VWC2L: variants seen among roughly 807,000 people sequenced by gnomAD.
The protein encoded by VWC2L is von Willebrand factor C domain-containing protein 2-like.
In VWC2L, 10 loss-of-function variants were observed where a neutral mutation model predicts 21.6. The observed-to-expected ratio is 0.46, with a 90% CI of 0.29 to 0.78. VWC2L has a LOEUF of 0.78. VWC2L is among the 30% of genes least tolerant of loss of function. VWC2L has a pLI of 0.10. For missense variants in VWC2L, 209 were observed against 277.1 expected (o/e 0.75, Z 1.74); for synonymous variants, 96 against 94.3 (o/e 1.02, Z -0.10).
chr2:214,435,752 CT>C (rs1308765313), intron 2 of VWC2L, among the ~76,000 whole-genome samples: 2 of 152,090 alleles, frequency 1.3e-5, no homozygotes, highest in Non-Finnish European at 2.9e-5. Context: ...GAATTTTAAA[CT>C]GCTGTTCCAT....
At chr2:214,456,599 A>G (rs543768938) in intron 3 of VWC2L, among the ~76,000 whole-genome samples, 3 of 152,054 alleles carry the variant, frequency 2.0e-5, no homozygotes, top group Non-Finnish European at 2.9e-5. Flanking sequence ...CCATGTGTCT[A>G]TTTTTATTTT....
intron 3 of VWC2L, among the ~76,000 whole-genome samples, chr2:214,477,797 G>A (rs896892078): frequency 6.6e-6 from 1 of 152,192 alleles, no homozygotes; most frequent in Admixed American, 6.5e-5. Flanking sequence ...TTCACTCATT[G>A]TTAGATAATG....
intron 3 of VWC2L, among the ~76,000 whole-genome samples, chr2:214,482,648 A>AAT (rs199718570): frequency 5.2e-4 from 77 of 147,648 alleles, no homozygotes; most frequent in East Asian, 9.8e-4. Flanking sequence ...TTAATAAATA[A>AAT]ATATATATAT....
Position 214,575,891 on chromosome 2 carries a change from C to T in VWC2L, c.*71C>T. 6.7e-7 allele frequency: 1 copy of T among 1,487,496 alleles called. No individual in the cohort carries two copies. The highest frequency in any genetic ancestry group is 9.1e-7 in the Non-Finnish European group (1 of 1,103,740). The allele number at this position is 1,487,496 out of a possible 1,614,324, so 92.1% of individuals were successfully genotyped here. On this transcript the variant is annotated 3_prime_UTR_variant, in exon 4 of 4. Coordinates refer to ENST00000312504, the MANE Select transcript of VWC2L (RefSeq NM_001080500.4). The stretch of plus-strand genomic sequence containing the variant: ...GCTTCAACACTGCACATGTTTAACA[C>T]AAAACAAAACAAACAAACTCCTGCC...
In VWC2L at chr2:214,487,150, C is replaced by T. The variant is rs77692182; in HGVS notation, c.520+50392C>T. ...GGAGACCTCAAAAGAATCCAGATTGCTGACACCTTGTTCTCAGACTTGTAG... is the reference window on the plus strand; with the variant it reads ...GGAGACCTCAAAAGAATCCAGATTGTTGACACCTTGTTCTCAGACTTGTAG... On this transcript the variant is annotated intron_variant, in intron 3 of 3. Coordinates refer to ENST00000312504, the MANE Select transcript of VWC2L (RefSeq NM_001080500.4). Among the ~76,000 whole-genome samples the T allele has an allele frequency of 8.1e-3, 1,229 of 152,034 alleles. 19 individuals carry two copies. The highest frequency in any genetic ancestry group is 0.028 in the African/African-American group (1,163 of 41,294).
chr2:214,555,654 G>A (rs1327786814), intron 3 of VWC2L, among the ~76,000 whole-genome samples: 3 of 152,130 alleles, frequency 2.0e-5, no homozygotes, highest in Admixed American at 6.5e-5. Flanking sequence ...TCTCCTGATC[G>A]CTGTTGTCTC....
At chr2:214,466,252 G>A (rs2126190761) in intron 3 of VWC2L, among the ~76,000 whole-genome samples, 1 of 152,220 alleles carries the variant, frequency 6.6e-6, no homozygotes, top group Admixed American at 6.5e-5. Context: ...ACTTTCACTA[G>A]TGTAAAATTC....
chr2:214,518,010 C>CA (rs372296676), intron 3 of VWC2L, among the ~76,000 whole-genome samples: 1 of 152,082 alleles, frequency 6.6e-6, no homozygotes, highest in East Asian at 1.9e-4. Context: ...ACTAAAAATA[C>CA]AAAAAATTAG....
chr2:214,414,287 G>C lies in VWC2L; in HGVS notation c.94G>C (p.Asp32His), dbSNP rs748356169. 2 of 1,613,754 alleles carry C rather than the reference G, an allele frequency of 1.2e-6. No individual in the cohort carries two copies. The highest frequency in any genetic ancestry group is 1.7e-6 in the Non-Finnish European group (2 of 1,179,838). Reference protein sequence around the residue: ...AAISHEDYPADEGDQISSNDN... With the variant: ...AAISHEDYPAHEGDQISSNDN... ...TATCAGTCATGAAGACTATCCTGCT[G>C]ATGAAGGTGACCAGATCTCCAGTAA... Residue 32 changes from aspartate to histidine, a missense_variant, in exon 2 of 4, where the codon GAT becomes CAT. Coordinates refer to ENST00000312504, the MANE Select transcript of VWC2L (RefSeq NM_001080500.4).
chr2:214,441,542 G>A lies in VWC2L; in HGVS notation c.520+4784G>A, dbSNP rs184114995. Among the ~76,000 whole-genome samples the A allele has an allele frequency of 4.9e-4, 75 of 152,108 alleles. 1 individual carries two copies. The highest frequency in any genetic ancestry group is 7.4e-5 in the Non-Finnish European group (5 of 67,972). On this transcript the variant is annotated intron_variant, in intron 3 of 3. Transcript: ENST00000312504. ...GTATTGAGAAGAGTTAAGAAAGAGT[G>A]GAGAAAATGTTATAAACTTTTTAAA...
intron 3 of VWC2L, among the ~76,000 whole-genome samples, chr2:214,441,433 A>T (rs1263573496): frequency 6.6e-6 from 1 of 152,142 alleles, no homozygotes; most frequent in Non-Finnish European, 1.5e-5. Flanking sequence ...CACCAAATGG[A>T]TAAGGAGATA....
At chr2:214,477,500 A>C (rs1359044010) in intron 3 of VWC2L, among the ~76,000 whole-genome samples, 1 of 152,206 alleles carries the variant, frequency 6.6e-6, no homozygotes, top group Non-Finnish European at 1.5e-5. Context: ...CTCTGGAAAA[A>C]GTCCAGTCCT....
chr2:214,505,903 T>A (rs1688961220), intron 3 of VWC2L, among the ~76,000 whole-genome samples: 1 of 152,140 alleles, frequency 6.6e-6, no homozygotes, highest in Admixed American at 6.5e-5. Context: ...CTTTTTTAAA[T>A]CTCCAAATTT....
chr2:214,473,127 T>C (rs1703334737), intron 3 of VWC2L, among the ~76,000 whole-genome samples: 1 of 152,224 alleles, frequency 6.6e-6, no homozygotes, highest in Non-Finnish European at 1.5e-5. Context: ...AAGTCTGGAA[T>C]AGTCCTAAGA....
chr2:214,467,326 C>G (rs2126191187), intron 3 of VWC2L, among the ~76,000 whole-genome samples: 1 of 151,222 alleles, frequency 6.6e-6, no homozygotes, highest in South Asian at 2.1e-4. Context: ...GGAACCATCT[C>G]CAGGTCTGTT....
intron 3 of VWC2L, among the ~76,000 whole-genome samples, chr2:214,509,706 G>A (rs1343821071): frequency 6.6e-6 from 1 of 152,184 alleles, no homozygotes; most frequent in Non-Finnish European, 1.5e-5. Context: ...CTCTCTGGTT[G>A]TAACCCCTTA....
chr2:214,427,212 G>T (rs949384925), intron 2 of VWC2L, among the ~76,000 whole-genome samples: 2 of 151,880 alleles, frequency 1.3e-5, no homozygotes, highest in African/African-American at 4.8e-5. Flanking sequence ...ATATGACAGA[G>T]AAAAAAACAA....
chr2:214,466,500 G>T (rs1195790333), intron 3 of VWC2L, among the ~76,000 whole-genome samples: 3 of 152,004 alleles, frequency 2.0e-5, no homozygotes. Context: ...TTGACCTGTG[G>T]GTTCATAGTT....
intron 3 of VWC2L, among the ~76,000 whole-genome samples, chr2:214,514,324 T>C (rs1574608770): frequency 6.6e-6 from 1 of 152,064 alleles, no homozygotes; most frequent in East Asian, 1.9e-4. Flanking sequence ...TTTCTGATCT[T>C]TAGGTAACAC....
Sources: gnomAD v4.1 joint callset for allele counts (sites outside exome capture counted in the v4.1 genomes callset) on GRCh38, gnomAD v4.1.1 for gene constraint, MANE v1.5 for transcripts, NCBI Gene and HGNC (gene_info 2026-07-23, HGNC 2026-07-21) for gene names.